Variants in MAP7D3 observed in about 807,000 individuals in gnomAD.
MAP7D3 encodes the protein MAP7 domain-containing protein 3.
In MAP7D3, 45 loss-of-function variants were observed where a neutral mutation model predicts 62.2. The observed-to-expected ratio is 0.72, with a 90% CI of 0.57 to 0.93. The LOEUF is 0.93. MAP7D3 is among the 40% of genes least tolerant of loss of function. MAP7D3 has a pLI of 0.00. For synonymous variants in MAP7D3, 288 were observed against 248.8 expected (o/e 1.16, Z -1.48); for missense variants, 711 against 683.1 (o/e 1.04, Z -0.45).
At chrX:136,239,946 C>T (rs1213018362) in intron 6 of MAP7D3, among the ~76,000 whole-genome samples, 1 of 111,727 alleles carries the variant, frequency 9.0e-6, no homozygotes, top group African/African-American at 3.3e-5. Context: ...TGGTGGCTCA[C>T]GCCTGTAATC....
chrX:136,231,679 G>A lies in MAP7D3; in HGVS notation c.1278C>T (p.Pro426=). ...TGGGTGACCCTTTCACACTCTCCTTGGGGGCTACTTCTGCGCTCCCCTTGG... is the reference window on the plus strand; with the variant it reads ...TGGGTGACCCTTTCACACTCTCCTTAGGGGCTACTTCTGCGCTCCCCTTGG... ...APPKGSAEVA[P]KESVKGSPKE... The change falls in exon 8 of 19, where the codon CCC becomes CCT. Residue 426 remains proline, a synonymous_variant. Transcript: ENST00000316077. 1.7e-6 allele frequency: 2 copies of A among 1,208,161 alleles called. No individual in the cohort carries two copies. The highest frequency in any genetic ancestry group is 2.2e-6 in the Non-Finnish European group (2 of 893,166).
At chrX:136,232,656 A>C (rs1431475874) in intron 7 of MAP7D3, among the ~76,000 whole-genome samples, 1 of 112,538 alleles carries the variant, frequency 8.9e-6, no homozygotes, top group Non-Finnish European at 1.9e-5. Context: ...TCCATATTTT[A>C]ATGTTTTAGA....
chrX:136,222,866 A>G (rs2074146819), intron 14 of MAP7D3, among the ~76,000 whole-genome samples: 1 of 107,640 alleles, frequency 9.3e-6, no homozygotes, highest in Non-Finnish European at 1.9e-5. Flanking sequence ...GGGGAGGACA[A>G]AGCCTCACTC....
intron 12 of MAP7D3, among the ~76,000 whole-genome samples, chrX:136,226,969 A>G (rs1227066961): frequency 1.8e-5 from 2 of 110,363 alleles, no homozygotes; most frequent in African/African-American, 6.6e-5. Context: ...TCTCTACCAA[A>G]AATACAAAAC....
Position 136,232,196 on chromosome X carries a change from A to G in MAP7D3, c.761T>C (p.Met254Thr). 1 of 1,199,835 alleles carries G rather than the reference A, an allele frequency of 8.3e-7. No homozygotes were observed. Among genetic ancestry groups the G allele is most frequent in the Non-Finnish European group, 1.1e-6 (1 of 886,100 alleles). ...PRVTGVTNYV[M>T]QYVTVPLRKC... The stretch of plus-strand genomic sequence containing the variant: ...ACGCAAGGGTACAGTGACATACTGC[A>G]TTACATAATTGGTGACGCCTGTAAC... The change falls in exon 8 of 19, where the codon ATG becomes ACG. Residue 254 changes from methionine to threonine, a missense_variant. Coordinates refer to ENST00000316077, the MANE Select transcript of MAP7D3 (RefSeq NM_024597.4).
rs372900357 is a variant in MAP7D3 at position 136,219,483 on chromosome X, A to T, written c.2578T>A (p.Ser860Thr). 4 of 1,204,832 alleles carry T rather than the reference A, an allele frequency of 3.3e-6. No homozygotes were observed. The highest frequency in any genetic ancestry group is 4.6e-4 in the Middle Eastern group (2 of 4,344). ...GGCAAGATGTCATGGAATCCTTCAG[A>T]TTTTGTTTGTGCCTGTCAGGAGAAA... Reference protein sequence around the residue: ...TTSRSSAQTKSEGFHDILPKS... With the variant: ...TTSRSSAQTKTEGFHDILPKS... The change falls in exon 18 of 19, where the codon TCT (serine) becomes ACT (threonine). Residue 860 changes from serine to threonine, a missense_variant. Transcript: ENST00000316077.
intron 6 of MAP7D3, among the ~76,000 whole-genome samples, 194 bp from the exon 7 acceptor site, chrX:136,236,533 G>C (rs1411009683): frequency 9.0e-6 from 1 of 111,197 alleles, no homozygotes; most frequent in African/African-American, 3.3e-5. Flanking sequence ...AAAAAATTTA[G>C]AAAATGGTAA....
At chrX:136,237,729 CT>C (rs1284661522) in intron 6 of MAP7D3, among the ~76,000 whole-genome samples, 1 of 111,402 alleles carries the variant, frequency 9.0e-6, no homozygotes, top group African/African-American at 3.3e-5. Flanking sequence ...TGTCCCTTCT[CT>C]TTTTTTTATT....
Position 136,217,286 on chromosome X carries a change from G to A in MAP7D3, c.*1240C>T, listed in dbSNP as rs942391757. 4 of 112,538 alleles carry A rather than the reference G, an allele frequency of 3.6e-5. No individual in the cohort carries two copies. Among genetic ancestry groups the A allele is most frequent in the Middle Eastern group, 9.2e-3 (2 of 218 alleles). The allele number at this position is 112,538 out of a possible 1,213,427, so 9.3% of individuals were successfully genotyped here. On this transcript the variant is annotated 3_prime_UTR_variant, in exon 19 of 19. Transcript: ENST00000316077. ...AGAGAAAGGCAAGCAAATTTTGGTT[G>A]TATCTCAAGCCTGAGTGTATACTCA... is the stretch of plus-strand genomic sequence containing the variant.
At chrX:136,238,711 C>A (rs2074356858) in intron 6 of MAP7D3, among the ~76,000 whole-genome samples, 2 of 111,363 alleles carry the variant, frequency 1.8e-5, no homozygotes, top group Non-Finnish European at 3.8e-5. Flanking sequence ...AAAGACCTCT[C>A]AAGCTCATCA....
chrX:136,244,688 C>G lies in MAP7D3; in HGVS notation c.361G>C (p.Glu121Gln), dbSNP rs760919972. 10 of 1,207,909 alleles carry G rather than the reference C, an allele frequency of 8.3e-6. No individual in the cohort carries two copies. The highest frequency in any genetic ancestry group is 1.1e-5 in the Non-Finnish European group (10 of 893,491). ...TCTTCTGCAGCTATTCTCCGTTGTTCTTCTTTCTCTTTTCGCTCCTTCAGC... is the reference window on the plus strand; with the variant it reads ...TCTTCTGCAGCTATTCTCCGTTGTTGTTCTTTCTCTTTTCGCTCCTTCAGC... ...RKLKERKEKE[E>Q]QRRIAAEEKR... Residue 121 changes from glutamate (E) to glutamine (Q), a missense_variant, in exon 4 of 19, where the codon GAA becomes CAA. Glu to Gln is a conservative substitution (Grantham distance 29, BLOSUM62 2). Transcript: ENST00000316077.
Position 136,227,436 on chromosome X carries a change from G to C in MAP7D3, c.1887-5C>G. ...TCTTTTGATTTCTTAATGACCCTGAGAGTATTTAAATAATTGTTAGTATTT... is the reference window on the plus strand; with the variant it reads ...TCTTTTGATTTCTTAATGACCCTGACAGTATTTAAATAATTGTTAGTATTT... On this transcript the variant is annotated splice_region_variant and splice_polypyrimidine_tract_variant and intron_variant, in intron 11 of 18. Transcript: ENST00000316077. 8.5e-7 allele frequency: 1 copy of C among 1,176,552 alleles called. No individual in the cohort carries two copies. The highest frequency in any genetic ancestry group is 1.1e-6 in the Non-Finnish European group (1 of 869,617).
Position 136,230,986 on chromosome X carries a change from A to C in MAP7D3, c.1414-20T>G, listed in dbSNP as rs746853119. 1.0e-5 allele frequency: 11 copies of C among 1,098,329 alleles called. No individual in the cohort carries two copies. Among genetic ancestry groups the C allele is most frequent in the Non-Finnish European group, 1.2e-6 (1 of 824,613 alleles). 90.5% of individuals were successfully genotyped at this position (1,098,329 alleles called of 1,213,427 possible). ...TGATTTCTGAACAGATAAACACAGT[A>C]TGGTAAATTACTAACAAACAATTCT... On this transcript the variant is annotated intron_variant, in intron 8 of 18. Coordinates refer to ENST00000316077, the MANE Select transcript of MAP7D3 (RefSeq NM_024597.4).
chrX:136,252,816 G>A (rs1179166488), upstream of MAP7D3, among the ~76,000 whole-genome samples: 1 of 111,593 alleles, frequency 9.0e-6, no homozygotes, highest in African/African-American at 3.3e-5. Flanking sequence ...GGGGGGCCAG[G>A]CACGGTGGTT....
At chrX:136,231,510 T>C (rs757719185) in intron 8 of MAP7D3, 34 bp downstream of exon 8, 2 of 1,121,780 alleles carry the variant, frequency 1.8e-6, no homozygotes, top group African/African-American at 1.8e-5. Context: ...CATATTTTAA[T>C]AGAAAATTTG....
At chrX:136,229,993 A>ATTTTTTTT (rs1173283842) in intron 10 of MAP7D3, among the ~76,000 whole-genome samples, 2 of 48,128 alleles carry the variant, frequency 4.2e-5, no homozygotes, top group African/African-American at 1.9e-4. Flanking sequence ...ATATATATAT[A>ATTTTTTTT]TTTTTTTTTT....
chrX:136,220,634 C>T, intron 16 of MAP7D3, 131 bp downstream of exon 16: 3 of 565,900 alleles, frequency 5.3e-6, no homozygotes, highest in East Asian at 3.3e-5. Flanking sequence ...AGTTTATTTC[C>T]GTTAAGTCAA....
upstream of MAP7D3, among the ~76,000 whole-genome samples, chrX:136,252,745 A>G (rs1195052979): frequency 9.2e-6 from 1 of 108,213 alleles, no homozygotes; most frequent in East Asian, 2.9e-4. Context: ...TGCACCTACA[A>G]TTTTAACAAA....
intron 18 of MAP7D3, among the ~76,000 whole-genome samples, chrX:136,218,972 T>G (rs2074091642): frequency 9.0e-6 from 1 of 111,115 alleles, no homozygotes; most frequent in South Asian, 3.9e-4. Flanking sequence ...TGCCTCAGCC[T>G]CCAAAGTAGC....
Sources: allele counts gnomAD v4.1 joint callset (sites outside exome capture counted in the v4.1 genomes callset), GRCh38; gene constraint gnomAD v4.1.1; transcripts MANE v1.5; gene names NCBI Gene and HGNC (gene_info 2026-07-23, HGNC 2026-07-21).